Variants in DTD1 observed in about 807,000 individuals in gnomAD.
DTD1 encodes D-tyrosyl-tRNA deacylase 1 homolog.
In DTD1, 13 loss-of-function variants were observed where a neutral mutation model predicts 25.6. The ratio of observed to expected loss-of-function variants is 0.51; its 90% CI spans 0.33 to 0.81. DTD1 has a LOEUF of 0.81. Ranked by LOEUF, DTD1 falls within the 30% of genes least tolerant of loss-of-function variation. DTD1 has a pLI of 0.02. For synonymous variants in DTD1, 110 were observed against 103.6 expected (o/e 1.06, Z -0.37); for missense variants, 193 against 266.4 (o/e 0.72, Z 1.92).
At chr20:18,610,769 ACACACGG>A (rs770735568) in intron 3 of DTD1, among the ~76,000 whole-genome samples, 111 of 152,244 alleles carry the variant, frequency 7.3e-4, no homozygotes, top group Non-Finnish European at 1.0e-3. Flanking sequence ...AAAATTAGCC[ACACACGG>A]GGTTGTGTGC....
intron 4 of DTD1, among the ~76,000 whole-genome samples, chr20:18,688,168 A>G (rs1333725641): frequency 1.3e-5 from 2 of 152,306 alleles, no homozygotes; most frequent in South Asian, 2.1e-4. Flanking sequence ...TTCTCAGAAG[A>G]TGTTTATTCA....
chr20:18,653,808 A>C (rs2060882371), intron 4 of DTD1, among the ~76,000 whole-genome samples: 1 of 152,234 alleles, frequency 6.6e-6, no homozygotes, highest in Admixed American at 6.5e-5. Context: ...GGAGGGTTAT[A>C]ATAACAGAGC....
At chr20:18,609,385 C>T (rs917344634) in intron 3 of DTD1, among the ~76,000 whole-genome samples, 3 of 152,028 alleles carry the variant, frequency 2.0e-5, no homozygotes, top group African/African-American at 7.2e-5. Flanking sequence ...CTCCTGGGCT[C>T]AAGCAATCTA....
chr20:18,733,259 C>T (rs755040790), intron 4 of DTD1, among the ~76,000 whole-genome samples: 19 of 152,220 alleles, frequency 1.2e-4, no homozygotes, highest in Non-Finnish European at 2.5e-4. Flanking sequence ...GAATCCTTAA[C>T]TTCTGGACAC....
chr20:18,618,690 C>CACACAG (rs1286650949), intron 3 of DTD1, among the ~76,000 whole-genome samples: 2 of 144,388 alleles, frequency 1.4e-5, no homozygotes, highest in Admixed American at 1.4e-4. Context: ...CACACACACA[C>CACACAG]ACACACACAC....
chr20:18,656,558 G>T (rs944004535), intron 4 of DTD1, among the ~76,000 whole-genome samples: 4 of 152,158 alleles, frequency 2.6e-5, no homozygotes, highest in African/African-American at 7.2e-5. Context: ...TGGGAGGCTG[G>T]CAGGTAACAC....
intron 4 of DTD1, among the ~76,000 whole-genome samples, chr20:18,740,681 A>G (rs914748481): frequency 5.9e-5 from 9 of 152,266 alleles, no homozygotes; most frequent in Non-Finnish European, 1.0e-4. Flanking sequence ...TTTAAATTAT[A>G]GTAAAATACA....
At chr20:18,688,506 A>G (rs2061026641) in intron 4 of DTD1, among the ~76,000 whole-genome samples, 1 of 152,250 alleles carries the variant, frequency 6.6e-6, no homozygotes, top group South Asian at 2.1e-4. Context: ...AGAGCACTCC[A>G]GGGAGAAGGA....
chr20:18,720,523 A>C (rs908788368), intron 4 of DTD1, among the ~76,000 whole-genome samples: 4 of 152,122 alleles, frequency 2.6e-5, no homozygotes, highest in Non-Finnish European at 5.9e-5. Context: ...TAGTGTTTTT[A>C]TCAGCAGATT....
At chr20:18,718,244 ATTAG>A (rs2061189252) in intron 4 of DTD1, among the ~76,000 whole-genome samples, 2 of 152,218 alleles carry the variant, frequency 1.3e-5, no homozygotes, top group African/African-American at 2.4e-5. Flanking sequence ...ATGTTTATTA[ATTAG>A]TTAAGTTAGT....
chr20:18,730,993 A>G (rs2061237596), intron 4 of DTD1, among the ~76,000 whole-genome samples: 1 of 152,096 alleles, frequency 6.6e-6, no homozygotes, highest in African/African-American at 2.4e-5. Context: ...TCTTTTATTC[A>G]CCCAACATAT....
intron 1 of DTD1, chr20:18,592,491 TC>T (rs2060593389): frequency 6.6e-6 from 1 of 152,116 alleles, no homozygotes; most frequent in African/African-American, 2.4e-5. Flanking sequence ...CAGAGGACCA[TC>T]AGGAGGGATG....
intron 4 of DTD1, among the ~76,000 whole-genome samples, chr20:18,662,940 G>A (rs1395003947): frequency 6.6e-6 from 1 of 151,998 alleles, no homozygotes; most frequent in African/African-American, 2.4e-5. Flanking sequence ...TATTGCTTTT[G>A]TTGTGTAGTG....
rs1427107429 is a variant in DTD1 at position 18,623,710 on chromosome 20, C to T, written c.371-4417C>T. ...ATTTTTGTGACAGCCTATTAATGGG[C>T]CTCCTGCGTCCAGCCGGGTCTCCTT... is the stretch of plus-strand genomic sequence containing the variant. On this transcript the variant is annotated intron_variant, in intron 3 of 5. Transcript: ENST00000377452. Among the ~76,000 whole-genome samples the T allele has an allele frequency of 6.6e-5, 10 of 152,284 alleles. No homozygotes were observed. The East Asian group carries it at 1.9e-3, about 29-fold the overall frequency.
chr20:18,665,099 A>G (rs2060926666), intron 4 of DTD1, among the ~76,000 whole-genome samples: 1 of 152,236 alleles, frequency 6.6e-6, no homozygotes, highest in African/African-American at 2.4e-5. Context: ...CACGGAAGAC[A>G]TAGCTAACTT....
chr20:18,759,434 G>T (rs896246161), intron 5 of DTD1, among the ~76,000 whole-genome samples: 1 of 152,158 alleles, frequency 6.6e-6, no homozygotes, highest in Non-Finnish European at 1.5e-5. Flanking sequence ...AGGCCTGGTG[G>T]TGACCAATCT....
chr20:18,621,867 A>G (rs2122298220), intron 3 of DTD1, among the ~76,000 whole-genome samples: 1 of 152,278 alleles, frequency 6.6e-6, no homozygotes, highest in African/African-American at 2.4e-5. Flanking sequence ...GATCGAGACT[A>G]TCCTGGCTAA....
At chr20:18,641,078 T>TAATC (rs2122336349) in intron 4 of DTD1, among the ~76,000 whole-genome samples, 1 of 152,352 alleles carries the variant, frequency 6.6e-6, no homozygotes, top group East Asian at 1.9e-4. Flanking sequence ...ATCATATGAA[T>TAATC]AATCATATGG....
At chr20:18,701,344 G>A (rs2061103687) in intron 4 of DTD1, among the ~76,000 whole-genome samples, 1 of 152,232 alleles carries the variant, frequency 6.6e-6, no homozygotes, top group South Asian at 2.1e-4. Context: ...AATAAGGGGG[G>A]CATATAGCAA....
Sources: allele counts gnomAD v4.1 joint callset (sites outside exome capture counted in the v4.1 genomes callset), GRCh38; gene constraint gnomAD v4.1.1; transcripts MANE v1.5; gene names NCBI Gene and HGNC (gene_info 2026-07-23, HGNC 2026-07-21).